CCDC122: variants seen among roughly 807,000 people sequenced by gnomAD.
CCDC122 encodes coiled-coil domain-containing protein 122.
In CCDC122, 38 loss-of-function variants were observed where a neutral mutation model predicts 37.0. That is an observed-to-expected ratio of 1.03 (90% CI 0.79 to 1.35). The LOEUF is 1.35. Ranked by LOEUF, CCDC122 falls within the 40% of genes most tolerant of loss-of-function variation. CCDC122 has a pLI of 0.00. For synonymous variants in CCDC122, 83 were observed against 95.6 expected, an observed-to-expected ratio of 0.87 and a Z score of 0.77; for missense variants, 305 against 310.0, an observed-to-expected ratio of 0.98 and a Z score of 0.12.
intron 1 of CCDC122, among the ~76,000 whole-genome samples, chr13:43,876,414 T>C (rs1338987319): frequency 6.6e-6 from 1 of 152,214 alleles, no homozygotes; most frequent in Non-Finnish European, 1.5e-5. Flanking sequence ...GTTCCCTTAA[T>C]AGCCAGGCAC....
chr13:43,868,935 A>C lies in CCDC122; in HGVS notation c.47-132T>G, dbSNP rs1954360152. The C allele has an allele frequency of 5.5e-6, 3 of 540,696 alleles. No individual in the cohort carries two copies. In the Admixed American group the frequency reaches 1.2e-4, roughly 21 times the overall value. The allele number at this position is 540,696 out of a possible 1,614,324, so 33.5% of individuals were successfully genotyped here. A position where few individuals can be genotyped will look rare whatever the true frequency, so the allele number is the denominator to read the frequency against. ...CTTCTAAACTAAATTTAGAATTAGTAATTTTCCCTTGCTGATATAAACAAA... is the reference window on the plus strand; with the variant it reads ...CTTCTAAACTAAATTTAGAATTAGTCATTTTCCCTTGCTGATATAAACAAA... On this transcript the variant is annotated intron_variant, in intron 3 of 6. Coordinates refer to ENST00000444614, the MANE Select transcript of CCDC122 (RefSeq NM_144974.5).
At chr13:43,855,715 CT>C (rs1204054975) in intron 6 of CCDC122, 1 of 151,900 alleles carries the variant, frequency 6.6e-6, no homozygotes, top group East Asian at 1.9e-4. Context: ...AAAAAACATG[CT>C]GACAAGGTTG....
chr13:43,839,908 C>A (rs1478631188), intron 6 of CCDC122, among the ~76,000 whole-genome samples: 1 of 152,098 alleles, frequency 6.6e-6, no homozygotes, highest in East Asian at 1.9e-4. Flanking sequence ...TCCAGGGGTG[C>A]CTCGTGGTCA....
chr13:43,851,461 A>G (rs947214713), intron 6 of CCDC122, among the ~76,000 whole-genome samples: 5 of 152,152 alleles, frequency 3.3e-5, no homozygotes, highest in African/African-American at 1.2e-4. Flanking sequence ...CCTGCTCCTG[A>G]GCCAACACCA....
chr13:43,838,866 A>G (rs1223284676), intron 6 of CCDC122, among the ~76,000 whole-genome samples: 1 of 152,206 alleles, frequency 6.6e-6, no homozygotes, highest in African/African-American at 2.4e-5. Flanking sequence ...TAGCGCATAC[A>G]TTGCATGATC....
At chr13:43,853,957 AT>A (rs1953826283) in intron 6 of CCDC122, 1 of 152,174 alleles carries the variant, frequency 6.6e-6, no homozygotes, top group South Asian at 2.1e-4. Context: ...GAGAACAAAG[AT>A]ACCAGAATCT....
chr13:43,840,337 T>C (rs1594818108), intron 6 of CCDC122, among the ~76,000 whole-genome samples: 1 of 152,226 alleles, frequency 6.6e-6, no homozygotes, highest in Non-Finnish European at 1.5e-5. Flanking sequence ...ACAGGTAGTA[T>C]GTGTAGTATT....
intron 1 of CCDC122, 93 bp downstream of exon 1, chr13:43,879,538 G>C (rs1161780570): frequency 6.6e-6 from 1 of 152,324 alleles, no homozygotes; most frequent in Non-Finnish European, 1.5e-5. Flanking sequence ...AGGCAGCAGC[G>C]GGCTCGCGGC....
chr13:43,870,222 A>AT (rs1437744484), intron 2 of CCDC122, among the ~76,000 whole-genome samples: 1 of 152,162 alleles, frequency 6.6e-6, no homozygotes, highest in Non-Finnish European at 1.5e-5. Context: ...GCAGATTATC[A>AT]TAACCATTCC....
intron 4 of CCDC122, among the ~76,000 whole-genome samples, chr13:43,863,290 A>G (rs530737540): frequency 2.6e-4 from 40 of 152,156 alleles, no homozygotes; most frequent in Non-Finnish European, 3.1e-4. Flanking sequence ...CATAATTTTA[A>G]GTCTTATTTC....
chr13:43,852,875 T>G (rs1273164249), intron 6 of CCDC122, among the ~76,000 whole-genome samples: 1 of 151,972 alleles, frequency 6.6e-6, no homozygotes, highest in Non-Finnish European at 1.5e-5. Context: ...GAATTTCATA[T>G]CCAGCCAAAC....
chr13:43,848,879 A>T, intron 6 of CCDC122: 2 of 979,824 alleles, frequency 2.0e-6, no homozygotes, highest in Non-Finnish European at 2.4e-6. Context: ...AAAGATATTC[A>T]GAAGAGATAG....
intron 3 of CCDC122, among the ~76,000 whole-genome samples, chr13:43,830,442 C>T (rs1457402788): frequency 6.6e-6 from 1 of 151,956 alleles, no homozygotes; most frequent in East Asian, 1.9e-4. Context: ...TGAAGTCTTC[C>T]CCAGAGAAAT....
At chr13:43,838,279 A>T (rs998787779) in intron 6 of CCDC122, among the ~76,000 whole-genome samples, 2 of 152,128 alleles carry the variant, frequency 1.3e-5, no homozygotes, top group African/African-American at 4.8e-5. Context: ...AAATGGTTCC[A>T]TTTCCCATTT....
chr13:43,837,867 T>C (rs1367905259), intron 6 of CCDC122, among the ~76,000 whole-genome samples: 9 of 152,202 alleles, frequency 5.9e-5, no homozygotes, highest in African/African-American at 2.2e-4. Context: ...TGAGTCCCTA[T>C]GTAAGGAACT....
chr13:43,878,113 T>C (rs1954707607), intron 1 of CCDC122: 1 of 152,166 alleles, frequency 6.6e-6, no homozygotes. Context: ...TTTTTTTTAC[T>C]GCCACTACTT....
At chr13:43,868,515 G>C (rs1186000903) in intron 4 of CCDC122, among the ~76,000 whole-genome samples, 179 bp downstream of exon 4, 1 of 151,970 alleles carries the variant, frequency 6.6e-6, no homozygotes, top group Non-Finnish European at 1.5e-5. Flanking sequence ...TTATATGTTG[G>C]GAGTGTAAAA....
At chr13:43,837,451 T>A (rs751321464) in intron 6 of CCDC122, 22 bp from the exon 7 acceptor site, 18 of 1,598,600 alleles carry the variant, frequency 1.1e-5, no homozygotes, top group Non-Finnish European at 1.5e-5. Context: ...AGAGCACACA[T>A]CAACAGGGCT....
chr13:43,832,017 C>A (rs1953094129), downstream of CCDC122, among the ~76,000 whole-genome samples: 1 of 150,648 alleles, frequency 6.6e-6, no homozygotes, highest in South Asian at 2.1e-4. Flanking sequence ...GTGTCTGTTT[C>A]AATTTATCTT....
Sources: allele counts gnomAD v4.1 joint callset (sites outside exome capture counted in the v4.1 genomes callset), GRCh38; gene constraint gnomAD v4.1.1; transcripts MANE v1.5; gene names NCBI Gene and HGNC (gene_info 2026-07-23, HGNC 2026-07-21).